The following FNIP1 variants were observed in gnomAD, a reference collection of about 807,000 sequenced individuals.
The protein encoded by FNIP1 is folliculin-interacting protein 1.
FNIP1 carries 40 observed loss-of-function variants against 124.5 expected under a neutral mutation model. The observed-to-expected ratio is 0.32, with a 90% CI of 0.25 to 0.42. The LOEUF (loss-of-function observed/expected upper bound fraction) is 0.42, where lower values mean the gene tolerates loss of function less well. Ranked by LOEUF, FNIP1 falls within the 10% of genes least tolerant of loss-of-function variation. The pLI is 1.00. For synonymous variants in FNIP1, 472 were observed against 470.6 expected (o/e 1.00, Z -0.04); for missense variants, 1,176 against 1,403.7 (o/e 0.84, Z 2.59).
intron 3 of FNIP1, among the ~76,000 whole-genome samples, chr5:131,723,954 T>A (rs1769763929): frequency 6.7e-6 from 1 of 150,176 alleles, no homozygotes; most frequent in Non-Finnish European, 1.5e-5. Context: ...AGTGAGAACA[T>A]GCAGTGCTGG....
At chr5:131,773,349 A>C (rs1027501098) in intron 1 of FNIP1, among the ~76,000 whole-genome samples, 1 of 152,214 alleles carries the variant, frequency 6.6e-6, no homozygotes, top group Non-Finnish European at 1.5e-5. Flanking sequence ...TCAGTCTCAC[A>C]GCCTAAACTA....
chr5:131,682,384 G>T (rs1020904352), intron 11 of FNIP1, among the ~76,000 whole-genome samples: 1 of 152,086 alleles, frequency 6.6e-6, no homozygotes, highest in Non-Finnish European at 1.5e-5. Flanking sequence ...ACGCAACAGT[G>T]CTTCTCACTA....
intron 2 of FNIP1, among the ~76,000 whole-genome samples, chr5:131,739,984 C>T (rs1770460301): frequency 2.0e-5 from 3 of 152,054 alleles, no homozygotes; most frequent in Non-Finnish European, 4.4e-5. Context: ...TAGTTCCAGA[C>T]ACTACCCCCA....
intron 1 of FNIP1, among the ~76,000 whole-genome samples, chr5:131,792,940 A>T (rs1772457340): frequency 6.6e-6 from 1 of 152,238 alleles, no homozygotes; most frequent in African/African-American, 2.4e-5. Flanking sequence ...AAATCCAGAC[A>T]TTATTTAACA....
intron 15 of FNIP1, among the ~76,000 whole-genome samples, chr5:131,654,036 A>T (rs1313750247): frequency 6.6e-6 from 1 of 152,258 alleles, no homozygotes; most frequent in Non-Finnish European, 1.5e-5. Flanking sequence ...CACTGCACCC[A>T]GCCCTTATTG....
intron 15 of FNIP1, among the ~76,000 whole-genome samples, chr5:131,653,134 A>G (rs535374217): frequency 6.6e-6 from 1 of 152,226 alleles, no homozygotes; most frequent in African/African-American, 2.4e-5. Context: ...CATGAATTAG[A>G]TTTTTCTGTT....
At chr5:131,780,034 C>A (rs548366973) in intron 1 of FNIP1, among the ~76,000 whole-genome samples, 1 of 151,468 alleles carries the variant, frequency 6.6e-6, no homozygotes, top group Non-Finnish European at 1.5e-5. Flanking sequence ...AACCCTGTCT[C>A]TAGCAAAAAA....
chr5:131,775,871 G>C (rs375802126), intron 1 of FNIP1, among the ~76,000 whole-genome samples: 6 of 152,054 alleles, frequency 3.9e-5, no homozygotes, highest in African/African-American at 1.4e-4. Flanking sequence ...TATATCTAAA[G>C]TCCTTAAAAT....
chr5:131,671,714 G>T lies in FNIP1; in HGVS notation c.2730C>A (p.Ser910=), dbSNP rs1561646423. 6.2e-7 allele frequency: 1 copy of T among 1,614,164 alleles called. No homozygotes were observed. Among genetic ancestry groups the T allele is most frequent in the Non-Finnish European group, 8.5e-7 (1 of 1,180,038 alleles). The change falls in exon 14 of 18, where the codon TCC becomes TCA. Residue 910 remains serine (S), a synonymous_variant. Transcript: ENST00000510461. ...CTTTATCCCCATGGGGGACAAGAAT[G>T]GAGAGTGTATCTCTTTGGTCCTGCT... ...FPQQDQRDTL[S]ILVPHGDKES...
intron 12 of FNIP1, among the ~76,000 whole-genome samples, chr5:131,678,486 C>A (rs1004151692): frequency 6.6e-6 from 1 of 152,188 alleles, no homozygotes; most frequent in Non-Finnish European, 1.5e-5. Context: ...CCACTTACTG[C>A]AAGCTGTGCC....
chr5:131,651,253 T>C (rs1364941656), intron 16 of FNIP1, among the ~76,000 whole-genome samples: 2 of 152,008 alleles, frequency 1.3e-5, no homozygotes, highest in Non-Finnish European at 2.9e-5. Context: ...ATTAGTCAGG[T>C]GTGGTAGCAC....
At chr5:131,644,834 C>T (rs1766820978) in intron 17 of FNIP1, 71 bp from the exon 18 acceptor site, 1 of 1,448,200 alleles carries the variant, frequency 6.9e-7, no homozygotes, top group African/African-American at 1.4e-5. Flanking sequence ...CAGGCAATGA[C>T]CACCAACTGT....
chr5:131,675,787 T>G (rs1767891902), intron 13 of FNIP1, among the ~76,000 whole-genome samples: 1 of 151,838 alleles, frequency 6.6e-6, no homozygotes, highest in South Asian at 2.1e-4. Flanking sequence ...TAAGGAAACT[T>G]TTGTAAGTGA....
chr5:131,786,377 A>G (rs1772220031), intron 1 of FNIP1, among the ~76,000 whole-genome samples: 1 of 152,226 alleles, frequency 6.6e-6, no homozygotes, highest in African/African-American at 2.4e-5. Flanking sequence ...ATCTGCCACA[A>G]TGAAGAAATA....
At chr5:131,677,575 G>T in intron 13 of FNIP1, 128 bp downstream of exon 13, 1 of 846,372 alleles carries the variant, frequency 1.2e-6, no homozygotes, top group Non-Finnish European at 1.8e-6. Context: ...GAAAGGACAA[G>T]CAAAGCAGAG....
chr5:131,728,084 A>G (rs1428892875), intron 3 of FNIP1, among the ~76,000 whole-genome samples: 4 of 152,150 alleles, frequency 2.6e-5, no homozygotes, highest in Non-Finnish European at 5.9e-5. Context: ...GTATAACCCA[A>G]TGTTTCTCTC....
intron 16 of FNIP1, 149 bp from the exon 17 acceptor site, chr5:131,647,354 T>G (rs1361247389): frequency 3.4e-6 from 2 of 583,640 alleles, no homozygotes; most frequent in African/African-American, 3.8e-5. Flanking sequence ...AGTATGTAGT[T>G]TTAGCTAAAA....
intron 1 of FNIP1, among the ~76,000 whole-genome samples, chr5:131,783,393 C>A (rs1237682502): frequency 6.6e-6 from 1 of 151,322 alleles, no homozygotes; most frequent in Admixed American, 6.6e-5. Context: ...AAAATGAAAT[C>A]TCCTAGAAGT....
rs1769115131 is a variant in FNIP1 at position 131,706,442 on chromosome 5, T to C, written c.883A>G (p.Thr295Ala). 1 of 1,613,196 alleles carries C rather than the reference T, an allele frequency of 6.2e-7. No homozygotes were observed. The highest frequency in any genetic ancestry group is 8.5e-7 in the Non-Finnish European group (1 of 1,179,562). Residue 295 changes from threonine to alanine, a missense_variant, in exon 9 of 18, where the codon ACA (threonine) becomes GCA (alanine). By Grantham distance (58) the Thr-to-Ala change is moderately conservative. This residue lies in a region of FNIP1 where 1,109 missense variants were observed against 1,288.5 expected (regional missense o/e 0.86). Transcript: ENST00000510461. ...GGAAATACCCCATTTTCCAAACTTG[T>C]TGTTTGGCTGCGTCGCCAACGTCGC... ...YQRRWRRSQT[T>A]SLENGVFPRW...
Sources: gnomAD v4.1 joint callset for allele counts (sites outside exome capture counted in the v4.1 genomes callset) on GRCh38, gnomAD v4.1.1 for gene constraint, gnomAD v4.1.1 regional missense constraint, MANE v1.5 for transcripts, NCBI Gene and HGNC (gene_info 2026-07-23, HGNC 2026-07-21) for gene names.